The following TRAIP variants were observed in gnomAD, a reference collection of about 807,000 sequenced individuals.
TRAIP encodes TRAF interacting protein.
A neutral mutation model predicts 65.0 loss-of-function variants in TRAIP; 37 were observed. The ratio of observed to expected loss-of-function variants is 0.57; its 90% CI spans 0.44 to 0.75. The LOEUF (loss-of-function observed/expected upper bound fraction) is 0.75, where lower values mean the gene tolerates loss of function less well. TRAIP is among the 30% of genes least tolerant of loss of function. The probability of loss-of-function intolerance (pLI) is 0.00; values close to 1 mark genes in which losing one functional copy is unlikely to be tolerated. For missense variants in TRAIP, 481 were observed against 579.4 expected (o/e 0.83, Z 1.74); for synonymous variants, 187 against 219.1 (o/e 0.85, Z 1.29).
At position 49,829,032 on chromosome 3, in the gene TRAIP, A is replaced by G. The variant is rs1575387564; in HGVS notation, c.*71T>C. The G allele has an allele frequency of 6.2e-7, 1 of 1,607,764 alleles. No homozygotes were observed. The highest frequency in any genetic ancestry group is 8.5e-7 in the Non-Finnish European group (1 of 1,175,502). On this transcript the variant is annotated 3_prime_UTR_variant, in exon 15 of 15. Coordinates refer to ENST00000331456, the MANE Select transcript of TRAIP (RefSeq NM_005879.3). ...CCGAAAGTGGGGCTCTGTCCACAAA[A>G]CCCCTGCCTGGACAGTCCTTGACCT... is the stretch of plus-strand genomic sequence containing the variant.
At chr3:49,838,916 C>T (rs1024679434) in intron 10 of TRAIP, among the ~76,000 whole-genome samples, 2 of 150,686 alleles carry the variant, frequency 1.3e-5, no homozygotes, top group African/African-American at 2.4e-5. Context: ...CTGGGCTGGG[C>T]GCAGTGGCTC....
rs1191401052 is a variant in TRAIP, at chr3:49,841,950, C to T, written c.504-11G>A. ...AGTAGAAGCTCAATCCTGAAAAATA[C>T]ACCCAGCCCACGGCATTTGCAATCT... is the stretch of plus-strand genomic sequence containing the variant. On this transcript the variant is annotated splice_polypyrimidine_tract_variant and intron_variant, in intron 6 of 14. Coordinates refer to ENST00000331456, the MANE Select transcript of TRAIP (RefSeq NM_005879.3). The T allele has an allele frequency of 1.9e-6, 3 of 1,610,356 alleles. No homozygotes were observed. Among genetic ancestry groups the T allele is most frequent in the East Asian group, 2.2e-5 (1 of 44,868 alleles).
chr3:49,840,880 G>A, intron 8 of TRAIP, 105 bp downstream of exon 8: 2 of 1,035,150 alleles, frequency 1.9e-6, no homozygotes, highest in Admixed American at 1.8e-5. Flanking sequence ...CTGCCCCAGG[G>A]AGTCAGCTGT....
intron 4 of TRAIP, 53 bp from the exon 5 acceptor site, chr3:49,843,981 C>T: frequency 6.4e-7 from 1 of 1,560,078 alleles, no homozygotes; most frequent in South Asian, 1.2e-5. Context: ...CATCCATCAG[C>T]AGAAGAACTT....
At chr3:49,852,860 G>A (rs1023659500) in intron 1 of TRAIP, among the ~76,000 whole-genome samples, 2 of 152,194 alleles carry the variant, frequency 1.3e-5, no homozygotes, top group Non-Finnish European at 1.5e-5. Flanking sequence ...AATGGCTCAT[G>A]GCTGTAATCC....
At chr3:49,846,280 T>C (rs953990291) in intron 3 of TRAIP, among the ~76,000 whole-genome samples, 4 of 152,046 alleles carry the variant, frequency 2.6e-5, no homozygotes, top group Non-Finnish European at 5.9e-5. Context: ...CTCAGGCTGG[T>C]CTTGAACTCC....
chr3:49,831,088 G>C (rs751543754), intron 11 of TRAIP, among the ~76,000 whole-genome samples: 1 of 152,138 alleles, frequency 6.6e-6, no homozygotes, highest in African/African-American at 2.4e-5. Context: ...TACAGCCCAC[G>C]GGTCCTAGGT....
At chr3:49,831,064 G>A (rs1054599858) in intron 11 of TRAIP, among the ~76,000 whole-genome samples, 2 of 152,196 alleles carry the variant, frequency 1.3e-5, no homozygotes, top group Non-Finnish European at 2.9e-5. Flanking sequence ...GACACTGACA[G>A]GATCCCTGAG....
intron 8 of TRAIP, among the ~76,000 whole-genome samples, chr3:49,840,772 G>C (rs1017052719): frequency 1.3e-5 from 2 of 152,192 alleles, no homozygotes; most frequent in African/African-American, 2.4e-5. Context: ...CCACATGTTG[G>C]GGGATACCTC....
Position 49,847,469 on chromosome 3 carries a change from A to G in TRAIP, c.240+56T>C, listed in dbSNP as rs553397919. The G allele has an allele frequency of 1.4e-5, 16 of 1,115,876 alleles. No homozygotes were observed. The South Asian group carries it at 2.0e-4, about 14-fold the overall frequency. 69.1% of individuals were successfully genotyped at this position (1,115,876 alleles called of 1,614,324 possible). ...GAAAAAAGAAAAGAAAAGAAAAAAGAAAAGTGAACTCGCACAAGGCTTGGA... is the reference window on the plus strand; with the variant it reads ...GAAAAAAGAAAAGAAAAGAAAAAAGGAAAGTGAACTCGCACAAGGCTTGGA... On this transcript the variant is annotated intron_variant, in intron 3 of 14. Coordinates refer to ENST00000331456, the MANE Select transcript of TRAIP (RefSeq NM_005879.3).
intron 3 of TRAIP, among the ~76,000 whole-genome samples, chr3:49,846,487 C>T (rs1043909668): frequency 1.3e-5 from 2 of 152,164 alleles, no homozygotes; most frequent in African/African-American, 4.8e-5. Context: ...GTAGGCTGTA[C>T]AGGATGGCTG....
chr3:49,849,256 C>T (rs1324072482), intron 1 of TRAIP, among the ~76,000 whole-genome samples: 4 of 151,768 alleles, frequency 2.6e-5, no homozygotes, highest in Non-Finnish European at 5.9e-5. Flanking sequence ...GTGCTCCTCC[C>T]ACCTCAGCCT....
chr3:49,844,551 A>G lies in TRAIP; in HGVS notation c.270T>C (p.Leu90=), dbSNP rs754607855. ...KNELDNVRAQ[L]SQKDKEKRDS... is the part of the protein sequence containing the mutation. ...CTCTTGCTAACTCACCTTTCTGGGA[A>G]AGCTGGGCTCTGACATTGTCCAGTT... Residue 90 remains leucine, a synonymous_variant, in exon 4 of 15, where the codon CTT becomes CTC. Coordinates refer to ENST00000331456, the MANE Select transcript of TRAIP (RefSeq NM_005879.3). 6.2e-7 allele frequency: 1 copy of G among 1,614,006 alleles called. No individual in the cohort carries two copies. The highest frequency in any genetic ancestry group is 1.1e-5 in the South Asian group (1 of 91,056).
intron 3 of TRAIP, among the ~76,000 whole-genome samples, chr3:49,845,303 C>T (rs1486422278): frequency 6.6e-6 from 1 of 152,240 alleles, no homozygotes; most frequent in African/African-American, 2.4e-5. Context: ...TCAACATCCC[C>T]ATGAGCAAGA....
intron 3 of TRAIP, among the ~76,000 whole-genome samples, chr3:49,847,040 T>C (rs1003085879): frequency 6.6e-6 from 1 of 151,436 alleles, no homozygotes; most frequent in African/African-American, 2.4e-5. Flanking sequence ...ACTAGCCGGG[T>C]ATGGTGGCAC....
At chr3:49,854,182 G>A (rs1201707493) in intron 1 of TRAIP, among the ~76,000 whole-genome samples, 1 of 152,002 alleles carries the variant, frequency 6.6e-6, no homozygotes, top group African/African-American at 2.4e-5. Context: ...AAAATTAGCT[G>A]GGCATGGTGA....
intron 1 of TRAIP, among the ~76,000 whole-genome samples, chr3:49,852,960 A>G (rs2081945892): frequency 6.6e-6 from 1 of 151,388 alleles, no homozygotes; most frequent in African/African-American, 2.4e-5. Flanking sequence ...TGTCTCTGCT[A>G]CAAGTACAAA....
intron 14 of TRAIP, 97 bp downstream of exon 14, chr3:49,829,361 C>T: frequency 6.2e-7 from 1 of 1,611,270 alleles, no homozygotes; most frequent in East Asian, 2.2e-5. Flanking sequence ...CAGCACTGCA[C>T]ACCTGAGGCT....
At chr3:49,844,391 C>G in intron 4 of TRAIP, 150 bp downstream of exon 4, 1 of 840,854 alleles carries the variant, frequency 1.2e-6, no homozygotes, top group East Asian at 2.7e-5. Context: ...CTTTTTCTGC[C>G]CACCACAACA....
Sources: allele counts gnomAD v4.1 joint callset (sites outside exome capture counted in the v4.1 genomes callset), GRCh38; gene constraint gnomAD v4.1.1; transcripts MANE v1.5; gene names NCBI Gene and HGNC (gene_info 2026-07-23, HGNC 2026-07-21).